MERTK: variants seen among roughly 807,000 people sequenced by gnomAD.
The protein encoded by MERTK is tyrosine-protein kinase Mer.
MERTK carries 69 observed loss-of-function variants against 99.3 expected under a neutral mutation model. The ratio of observed to expected loss-of-function variants is 0.70; its 90% confidence interval spans 0.57 to 0.85. The LOEUF (loss-of-function observed/expected upper bound fraction) is 0.85. MERTK is among the 40% of genes least tolerant of loss of function. The pLI is 0.00. For synonymous variants in MERTK, 426 were observed against 467.6 expected, an observed-to-expected ratio of 0.91 and a Z score of 1.15; for missense variants, 1,125 against 1,249.4, an observed-to-expected ratio of 0.90 and a Z score of 1.50.
chr2:111,925,290 A>ATTTTTTTT (rs1336943200), intron 1 of MERTK, among the ~76,000 whole-genome samples: 19 of 31,490 alleles, frequency 6.0e-4, no homozygotes, highest in East Asian at 9.2e-4. Context: ...ATATATATAT[A>ATTTTTTTT]TATTTTTTTT....
intron 1 of MERTK, among the ~76,000 whole-genome samples, chr2:111,903,529 C>T (rs17835605): frequency 0.24 from 36,545 of 152,212 alleles, 4,757 homozygotes; most frequent in South Asian, 0.32. Flanking sequence ...CAACTCCTTG[C>T]TCAGGGGCAG....
At chr2:111,943,368 TGA>T (rs1684898725) in intron 2 of MERTK, among the ~76,000 whole-genome samples, 2 of 152,138 alleles carry the variant, frequency 1.3e-5, no homozygotes, top group Non-Finnish European at 2.9e-5. Flanking sequence ...GGAGAGCATC[TGA>T]AAGTATTTAA....
chr2:112,006,124 C>T (rs957098942), intron 13 of MERTK, among the ~76,000 whole-genome samples: 2 of 152,062 alleles, frequency 1.3e-5, no homozygotes. Context: ...TCAAGTAATC[C>T]GCCCACCTTG....
rs372910380 is a variant in MERTK at position 112,010,049 on chromosome 2, T to C, written c.2062T>C (p.Leu688=). ...DLHTYLLYSR[L]ETGPKHIPLQ... is the part of the protein sequence containing the mutation. ...GCATACTTACTTACTTTATTCCCGA[T>C]TGGAGACAGGACCAAAGGTAATGAT... Residue 688 remains leucine (L), a synonymous_variant, in exon 15 of 19, where the codon TTG becomes CTG. Coordinates refer to ENST00000295408, the MANE Select transcript of MERTK (RefSeq NM_006343.3). 22 of 1,610,998 alleles carry C rather than the reference T, an allele frequency of 1.4e-5. No homozygotes were observed. The African/African-American group carries it at 1.9e-4, about 14-fold the overall frequency.
At chr2:111,995,578 C>T (rs986035798) in intron 9 of MERTK, 4 of 188,386 alleles carry the variant, frequency 2.1e-5, no homozygotes, top group African/African-American at 9.6e-5. Context: ...TCTTGCAGCA[C>T]ATAGGCACAG....
rs190763060 is a variant in MERTK at position 112,012,856 on chromosome 2, T to A, written c.2079+2790T>A. The stretch of plus-strand genomic sequence containing the variant: ...ACTAGTCCTCATCCCAAGAGACAGG[T>A]CCATCTGTAGAAACAGCCCTTTATT... On this transcript the variant is annotated intron_variant, in intron 15 of 18. Coordinates refer to ENST00000295408, the MANE Select transcript of MERTK (RefSeq NM_006343.3). Among the ~76,000 whole-genome samples, 32 of 152,218 alleles carry A rather than the reference T, an allele frequency of 2.1e-4. No individual in the cohort carries two copies. The East Asian group carries it at 5.0e-3, about 24-fold the overall frequency.
chr2:111,995,498 C>G (rs1676716158), intron 9 of MERTK: 2 of 188,380 alleles, frequency 1.1e-5, no homozygotes, highest in Non-Finnish European at 2.2e-5. Context: ...GATTGAGTTC[C>G]CACCTGTCTG....
chr2:111,945,342 A>G (rs1488301335), intron 3 of MERTK, among the ~76,000 whole-genome samples: 4 of 152,256 alleles, frequency 2.6e-5, no homozygotes, highest in Admixed American at 6.5e-5. Flanking sequence ...TATTGACAAT[A>G]AAAATAAGCT....
At chr2:111,916,298 A>G (rs1054164906) in intron 1 of MERTK, among the ~76,000 whole-genome samples, 3 of 152,046 alleles carry the variant, frequency 2.0e-5, no homozygotes, top group Non-Finnish European at 2.9e-5. Flanking sequence ...TGGCCCTTCA[A>G]GTTCCCTTTT....
chr2:111,917,111 G>C (rs1441205317), intron 1 of MERTK, among the ~76,000 whole-genome samples: 2 of 152,194 alleles, frequency 1.3e-5, no homozygotes, highest in Non-Finnish European at 2.9e-5. Context: ...GGCAGTGAAA[G>C]CCCTGACTTT....
At chr2:112,022,670 G>C (rs1677379797) in intron 18 of MERTK, 4 of 673,480 alleles carry the variant, frequency 5.9e-6, no homozygotes, top group Non-Finnish European at 8.3e-6. Flanking sequence ...AATGGCACCT[G>C]TCCTAAAATT....
intron 1 of MERTK, among the ~76,000 whole-genome samples, chr2:111,902,263 A>G (rs1174614176): frequency 1.3e-5 from 2 of 152,234 alleles, no homozygotes; most frequent in African/African-American, 4.8e-5. Context: ...ACTAGTCAGC[A>G]TTGGTCAAGA....
intron 14 of MERTK, 29 bp from the exon 15 acceptor site, chr2:112,009,919 T>C: frequency 6.6e-7 from 1 of 1,524,048 alleles, no homozygotes; most frequent in Non-Finnish European, 9.1e-7. Context: ...AAGGACTCTT[T>C]GTAATTGATG....
rs755593299 is a variant in MERTK, at chr2:111,898,769, C to T, written c.34C>T (p.Leu12Phe). 1.9e-6 allele frequency: 3 copies of T among 1,602,992 alleles called. No individual in the cohort carries two copies. Among genetic ancestry groups the T allele is most frequent in the Admixed American group, 1.7e-5 (1 of 58,912 alleles). The stretch of plus-strand genomic sequence containing the variant: ...GGCCCCGCTGCCGCTGCTGCTGGGC[C>T]TCTTCCTCCCCGCGCTCTGGCGTAG... Reference protein sequence around the residue: ...GPAPLPLLLGLFLPALWRRAI... With the variant: ...GPAPLPLLLGFFLPALWRRAI... Residue 12 changes from leucine to phenylalanine, a missense_variant, in exon 1 of 19, where the codon CTC (leucine) becomes TTC (phenylalanine). Leu to Phe is a conservative substitution (Grantham distance 22). Transcript: ENST00000295408.
chr2:111,944,303 C>CAAA (rs776451722), intron 2 of MERTK, among the ~76,000 whole-genome samples: 34 of 68,042 alleles, frequency 5.0e-4, no homozygotes, highest in East Asian at 2.1e-3. Context: ...GAATCTGTCT[C>CAAA]AAAAAAAAAA....
intron 5 of MERTK, among the ~76,000 whole-genome samples, chr2:111,967,350 G>A (rs891836277): frequency 2.6e-5 from 4 of 152,174 alleles, no homozygotes; most frequent in African/African-American, 4.8e-5. Context: ...CCCTCAAAGT[G>A]TCTGGCACAT....
intron 9 of MERTK, chr2:111,994,728 A>T (rs1230871199): frequency 2.6e-6 from 1 of 388,808 alleles, no homozygotes; most frequent in South Asian, 2.0e-5. Context: ...GCAGTGAGTT[A>T]TGATCACACC....
chr2:111,937,187 G>A (rs1301121109), intron 2 of MERTK, among the ~76,000 whole-genome samples: 2 of 151,998 alleles, frequency 1.3e-5, no homozygotes, highest in Non-Finnish European at 2.9e-5. Flanking sequence ...GCTTATGCCT[G>A]TAATCCCCGC....
intron 2 of MERTK, among the ~76,000 whole-genome samples, chr2:111,943,055 T>C (rs1684893761): frequency 6.6e-6 from 1 of 152,236 alleles, no homozygotes; most frequent in African/African-American, 2.4e-5. Context: ...CTGCTCCAGA[T>C]GCTAACCAGG....
Sources: allele counts gnomAD v4.1 joint callset (sites outside exome capture counted in the v4.1 genomes callset), GRCh38; gene constraint gnomAD v4.1.1; transcripts MANE v1.5; gene names NCBI Gene and HGNC (gene_info 2026-07-23, HGNC 2026-07-21).